Variants in RPS6KC1 observed in about 807,000 individuals in gnomAD.
The protein encoded by RPS6KC1 is inactive ribosomal protein S6 kinase delta-1.
In RPS6KC1, 54 loss-of-function variants were observed where a neutral mutation model predicts 103.8. The ratio of observed to expected loss-of-function variants is 0.52; its 90% CI spans 0.42 to 0.65. RPS6KC1 has a LOEUF of 0.65. Ranked by LOEUF, RPS6KC1 falls within the 30% of genes least tolerant of loss-of-function variation. RPS6KC1 has a pLI of 0.00. For synonymous variants in RPS6KC1, 439 were observed against 438.7 expected, an observed-to-expected ratio of 1.00 and a Z score of -0.01; for missense variants, 1,151 against 1,253.8, an observed-to-expected ratio of 0.92 and a Z score of 1.24.
chr1:213,651,068 G>A, the RPS6KC1 span, among the ~76,000 whole-genome samples: 17 of 152,120 alleles, frequency 1.1e-4, no homozygotes, highest in Non-Finnish European at 1.9e-4. Flanking sequence ...GTTTGGAAGT[G>A]TGAGGCAGAG....
At chr1:213,345,062 T>C in the RPS6KC1 span, among the ~76,000 whole-genome samples, 31,854 of 152,190 alleles carry the variant, frequency 0.21, 3,472 homozygotes, top group South Asian at 0.26. Context: ...GTCATATATC[T>C]TCCTTAGGAG....
the RPS6KC1 span, among the ~76,000 whole-genome samples, chr1:213,761,051 A>G: frequency 6.6e-6 from 1 of 151,232 alleles, no homozygotes; most frequent in Non-Finnish European, 1.5e-5. Flanking sequence ...TTATAAGGGA[A>G]GCTGGTCTCG....
intron 4 of RPS6KC1, 109 bp from the exon 5 acceptor site, chr1:213,117,208 T>C: frequency 1.6e-6 from 1 of 627,774 alleles, no homozygotes; most frequent in South Asian, 2.1e-5. Context: ...TAGATTAGTA[T>C]AGTCGTTTCT....
intron 8 of RPS6KC1, among the ~76,000 whole-genome samples, chr1:213,211,183 A>G (rs949467437): frequency 1.3e-5 from 2 of 152,262 alleles, no homozygotes; most frequent in African/African-American, 2.4e-5. Flanking sequence ...GTGTCAAGTT[A>G]TCATCCCAGG....
At chr1:213,513,242 G>T in the RPS6KC1 span, among the ~76,000 whole-genome samples, 416 of 152,260 alleles carry the variant, frequency 2.7e-3, no homozygotes, top group Non-Finnish European at 4.1e-3. Flanking sequence ...GCAAGGGAAA[G>T]AATTCGTTCA....
At chr1:213,279,541 G>A (rs1335032867), downstream of RPS6KC1, among the ~76,000 whole-genome samples, 3 of 152,112 alleles carry the variant, frequency 2.0e-5, no homozygotes, top group South Asian at 2.1e-4. Context: ...TGATCATTTT[G>A]TGGCACTTTT....
chr1:213,738,870 A>G, the RPS6KC1 span, among the ~76,000 whole-genome samples: 1 of 129,386 alleles, frequency 7.7e-6, no homozygotes, highest in Non-Finnish European at 1.7e-5. Flanking sequence ...ATAAATAAAT[A>G]AATAAAAAGC....
chr1:213,474,428 T>C, the RPS6KC1 span, among the ~76,000 whole-genome samples: 1 of 152,022 alleles, frequency 6.6e-6, no homozygotes, highest in African/African-American at 2.4e-5. Context: ...TTCCTGAAAA[T>C]AGTGCAGGTT....
the RPS6KC1 span, among the ~76,000 whole-genome samples, chr1:213,457,176 T>C: frequency 6.6e-6 from 1 of 152,164 alleles, no homozygotes; most frequent in Non-Finnish European, 1.5e-5. Context: ...AGCCCTAAGA[T>C]TCTTTGATGT....
At chr1:213,531,793 GCTGCGGTTT>G in the RPS6KC1 span, among the ~76,000 whole-genome samples, 3 of 152,176 alleles carry the variant, frequency 2.0e-5, no homozygotes, top group African/African-American at 7.2e-5. Context: ...TTGTACCTGT[GCTGCGGTTT>G]CCCAGCTGGG....
chr1:213,836,401 A>T, the RPS6KC1 span, among the ~76,000 whole-genome samples: 336 of 152,286 alleles, frequency 2.2e-3, no homozygotes, highest in Middle Eastern at 6.8e-3. Flanking sequence ...TGTTGAAGAC[A>T]TGCACAACCA....
intron 8 of RPS6KC1, among the ~76,000 whole-genome samples, chr1:213,216,274 A>G (rs1049862395): frequency 6.6e-6 from 1 of 152,220 alleles, no homozygotes; most frequent in African/African-American, 2.4e-5. Flanking sequence ...ATCAAAAGAG[A>G]CAAGGCCATT....
At chr1:213,614,917 C>T in the RPS6KC1 span, among the ~76,000 whole-genome samples, 1 of 152,056 alleles carries the variant, frequency 6.6e-6, no homozygotes, top group Non-Finnish European at 1.5e-5. Flanking sequence ...ATGATGTTGC[C>T]TGGGCTGGTC....
rs1402431187 is a variant in RPS6KC1, at chr1:213,067,490, C to T, written c.106-3516C>T. On this transcript the variant is annotated intron_variant, in intron 1 of 14. Coordinates refer to ENST00000366960, the MANE Select transcript of RPS6KC1 (RefSeq NM_012424.6). Reference sequence around the variant, plus strand: ...TGAAGACATTAAGAGCCTTACATCACTAAACCATGACTGGTTGACTGCTTT... The same window carrying T: ...TGAAGACATTAAGAGCCTTACATCATTAAACCATGACTGGTTGACTGCTTT... 4.6e-5 allele frequency among the ~76,000 whole-genome samples: 7 copies of T among 152,148 alleles called. No individual in the cohort carries two copies. In the East Asian group the frequency reaches 9.6e-4, roughly 21 times the overall value.
the RPS6KC1 span, among the ~76,000 whole-genome samples, chr1:213,700,044 T>C: frequency 1.8e-4 from 27 of 152,104 alleles, no homozygotes; most frequent in Non-Finnish European, 3.4e-4. Context: ...GTGGAAGCTT[T>C]TTAGCTTGAT....
chr1:213,519,142 A>G, the RPS6KC1 span, among the ~76,000 whole-genome samples: 1 of 152,220 alleles, frequency 6.6e-6, no homozygotes, highest in African/African-American at 2.4e-5. Flanking sequence ...CCACCCTGGA[A>G]CTTAATAGAA....
At position 213,252,972 on chromosome 1, in the gene RPS6KC1, C is replaced by T. The variant is rs543860495; in HGVS notation, c.2912-8586C>T. Among the ~76,000 whole-genome samples the T allele has an allele frequency of 3.9e-5, 6 of 152,224 alleles. No individual in the cohort carries two copies. In the East Asian group the frequency reaches 1.2e-3, roughly 29 times the overall value. On this transcript the variant is annotated intron_variant, in intron 12 of 14. Coordinates refer to ENST00000366960, the MANE Select transcript of RPS6KC1 (RefSeq NM_012424.6). ...TTTTTAATTAAATTTTCTATGACTT[C>T]TTAATAACAGTTCCACAGTTGCTAT...
At chr1:213,597,527 G>A in the RPS6KC1 span, among the ~76,000 whole-genome samples, 11 of 152,176 alleles carry the variant, frequency 7.2e-5, no homozygotes, top group South Asian at 2.1e-4. Context: ...GGGTGGATTT[G>A]ACAAGAGAGG....
At position 213,169,463 on chromosome 1, in the gene RPS6KC1, G is replaced by C. The variant is rs368747498; in HGVS notation, c.951+1490G>C. Among the ~76,000 whole-genome samples the C allele has an allele frequency of 2.8e-4, 42 of 152,216 alleles. No individual in the cohort carries two copies. The South Asian group carries it at 6.6e-3, about 24-fold the overall frequency. ...ATTGTGAATTACTGCGACTCTTTTA[G>C]TCTGTATTCTGTTTGCTAATCTTAT... is the stretch of plus-strand genomic sequence containing the variant. On this transcript the variant is annotated intron_variant, in intron 7 of 14. Coordinates refer to ENST00000366960, the MANE Select transcript of RPS6KC1 (RefSeq NM_012424.6).
Sources: allele counts gnomAD v4.1 joint callset (sites outside exome capture counted in the v4.1 genomes callset), GRCh38; gene constraint gnomAD v4.1.1; transcripts MANE v1.5; gene names NCBI Gene and HGNC (gene_info 2026-07-23, HGNC 2026-07-21).